Variants in AMPD1 observed in about 807,000 individuals in gnomAD.
The protein encoded by AMPD1 is adenosine monophosphate deaminase 1.
Under a neutral mutation model 82.9 loss-of-function variants are expected in AMPD1, and 74 were observed. The ratio of observed to expected loss-of-function variants is 0.89; its 90% CI spans 0.74 to 1.08. The LOEUF (loss-of-function observed/expected upper bound fraction) is 1.08, where lower values mean the gene tolerates loss of function less well. Among genes scored for constraint, AMPD1 ranks in the 50% least tolerant of loss-of-function variants. The pLI, the probability that AMPD1 is intolerant of heterozygous loss-of-function variation, is 0.00. For missense variants in AMPD1, 881 were observed against 924.5 expected (o/e 0.95, Z 0.61); for synonymous variants, 333 against 320.5 (o/e 1.04, Z -0.42).
intron 1 of AMPD1, among the ~76,000 whole-genome samples, chr1:114,695,070 T>C (rs1243061138): frequency 1.3e-5 from 2 of 152,118 alleles, no homozygotes; most frequent in Admixed American, 1.3e-4. Flanking sequence ...AATACACACA[T>C]GGGTTATTTT....
Position 114,675,621 on chromosome 1 carries a change from G to A in AMPD1, c.1588C>T (p.Pro530Ser). Residue 530 changes from proline (P) to serine (S), a missense_variant, in exon 12 of 16, where the codon CCC becomes TCC. This residue lies in a region of AMPD1 where 783 missense variants were observed against 786.4 expected (regional missense o/e 1.00). Coordinates refer to ENST00000520113, the MANE Select transcript of AMPD1 (RefSeq NM_000036.3). ...TTCTTTTCCAATGTCCACTCCTGGG[G>A]CTTGGGACTCTTGGAGGAGAACATG... The part of the protein sequence containing the change: ...GHMFSSKSPK[P>S]QEWTLEKNPS... 3 of 1,614,204 alleles carry A rather than the reference G, an allele frequency of 1.9e-6. No homozygotes were observed. Among genetic ancestry groups the A allele is most frequent in the Middle Eastern group, 3.3e-4 (2 of 6,062 alleles).
At chr1:114,679,856 A>G in intron 6 of AMPD1, 148 bp from the exon 7 acceptor site, 1 of 937,642 alleles carries the variant, frequency 1.1e-6, no homozygotes, top group Non-Finnish European at 1.7e-6. Flanking sequence ...AATCCCACTG[A>G]GAAGTAGTGG....
In AMPD1 at chr1:114,686,883, A is replaced by G; in HGVS notation, c.243T>C (p.Thr81=). The change falls in exon 4 of 16, where the codon ACT becomes ACC. Residue 81 remains threonine (T), a synonymous_variant. Transcript: ENST00000520113. ...CACTTAGTGGAATGGACAAATTAAC[A>G]GTCTTCCGTCCTTGGAAACGCTTTT... is the stretch of plus-strand genomic sequence containing the variant. ...RRKKRFQGRK[T]VNLSIPLSET... is the part of the protein sequence containing the mutation. 1.9e-6 allele frequency: 3 copies of G among 1,614,238 alleles called. No homozygotes were observed. In the South Asian group the frequency reaches 3.3e-5, roughly 18 times the overall value.
rs929841634 is a variant in AMPD1, at chr1:114,693,156, A to G, written c.34+280T>C. ...AATAAATAAATAAATAAATAAATAA[A>G]TAAATAAATAAGTAAAAGCACTGCA... On this transcript the variant is annotated intron_variant, in intron 2 of 15. Coordinates refer to ENST00000520113, the MANE Select transcript of AMPD1 (RefSeq NM_000036.3). Among the ~76,000 whole-genome samples, 84 of 145,728 alleles carry G rather than the reference A, an allele frequency of 5.8e-4. 1 individual carries two copies. Among genetic ancestry groups the G allele is most frequent in the Non-Finnish European group, 4.8e-4 (32 of 66,888 alleles).
At chr1:114,679,497 A>T in intron 7 of AMPD1, 82 bp downstream of exon 7, 1 of 1,558,202 alleles carries the variant, frequency 6.4e-7, no homozygotes, top group Non-Finnish European at 8.8e-7. Flanking sequence ...TTAATCAGAA[A>T]CACACTCTTT....
At chr1:114,676,342 G>A in intron 10 of AMPD1, 1 of 306,524 alleles carries the variant, frequency 3.3e-6, no homozygotes, top group Non-Finnish European at 6.3e-6. Flanking sequence ...ACAAGACAGT[G>A]AACAGGAAAT....
intron 3 of AMPD1, chr1:114,687,124 G>A: frequency 1.7e-6 from 1 of 602,004 alleles, no homozygotes; most frequent in Non-Finnish European, 3.0e-6. Context: ...CCTTGGAATG[G>A]CCTTAGCAAT....
At chr1:114,691,365 C>T (rs75803075) in intron 2 of AMPD1, among the ~76,000 whole-genome samples, 2 of 151,322 alleles carry the variant, frequency 1.3e-5, no homozygotes, top group African/African-American at 2.4e-5. Flanking sequence ...ACTTTGGAGC[C>T]TGGGCAACAT....
rs1658118902 is a variant in AMPD1, at chr1:114,680,317, G to T, written c.709C>A (p.Leu237Met). 6.2e-7 allele frequency: 1 copy of T among 1,614,064 alleles called. No individual in the cohort carries two copies. The highest frequency in any genetic ancestry group is 8.5e-7 in the Non-Finnish European group (1 of 1,180,032). ...DEPKPLPYPN[L>M]DTFLDDMNFL... ...TTCATATCGTCTAAGAAGGTGTCCAGATTTGGGTAAGGAAGTGGCTTAGGC... is the reference window on the plus strand; with the variant it reads ...TTCATATCGTCTAAGAAGGTGTCCATATTTGGGTAAGGAAGTGGCTTAGGC... The change falls in exon 6 of 16, where the codon CTG (leucine) becomes ATG (methionine). Residue 237 changes from leucine (L) to methionine (M), a missense_variant. By Grantham distance (15) the Leu-to-Met change is conservative. Transcript: ENST00000520113.
intron 1 of AMPD1, 63 bp from the exon 2 acceptor site, chr1:114,693,510 A>G (rs1197426984): frequency 7.7e-6 from 11 of 1,433,902 alleles, no homozygotes; most frequent in African/African-American, 1.4e-5. Flanking sequence ...CATGGTGGCT[A>G]TTAATCACTG....
chr1:114,681,945 G>A (rs1405244077), intron 5 of AMPD1, among the ~76,000 whole-genome samples: 4 of 152,198 alleles, frequency 2.6e-5, no homozygotes, highest in Admixed American at 2.0e-4. Context: ...TAATTCTTAT[G>A]AGAATTATTT....
chr1:114,688,588 G>C lies in AMPD1; in HGVS notation c.188C>G (p.Thr63Ser), dbSNP rs1307315745. 1 of 1,614,200 alleles carries C rather than the reference G, an allele frequency of 6.2e-7. No individual in the cohort carries two copies. Among genetic ancestry groups the C allele is most frequent in the Middle Eastern group, 1.6e-4 (1 of 6,062 alleles). ...EMQAHIFHLE[T>S]LSTSTEARRK... is the part of the protein sequence containing the mutation. ...CCTGGCTTCTGTGGAGGTGGACAGA[G>C]TCTCCAGATGGAATATGTGTGCTTG... Residue 63 changes from threonine (T) to serine (S), a missense_variant, in exon 3 of 16, where the codon ACT (threonine) becomes AGT (serine). By Grantham distance (58) the Thr-to-Ser change is moderately conservative. This residue lies in a region of AMPD1 where 783 missense variants were observed against 786.4 expected (regional missense o/e 1.00). Transcript: ENST00000520113.
intron 5 of AMPD1, among the ~76,000 whole-genome samples, chr1:114,681,872 C>T (rs906483675): frequency 2.6e-5 from 4 of 152,142 alleles, no homozygotes; most frequent in Admixed American, 1.3e-4. Flanking sequence ...ATCCTCTGTG[C>T]TCCACCTAAA....
chr1:114,686,983 C>G, intron 3 of AMPD1, 73 bp from the exon 4 acceptor site: 1 of 1,484,028 alleles, frequency 6.7e-7, no homozygotes, highest in South Asian at 1.1e-5. Flanking sequence ...ATAGATGTTT[C>G]TCTATACAAT....
At chr1:114,677,706 T>C (rs1000838352) in intron 9 of AMPD1, among the ~76,000 whole-genome samples, 192 bp from the exon 10 acceptor site, 2 of 152,032 alleles carry the variant, frequency 1.3e-5, no homozygotes, top group South Asian at 4.2e-4. Flanking sequence ...AGAGTGGATG[T>C]GTCAGAGGAA....
rs1658047117 is a variant in AMPD1 at position 114,677,909 on chromosome 1, C to G, written c.1224+1G>C. The G allele has an allele frequency of 6.2e-7, 1 of 1,613,062 alleles. No homozygotes were observed. Among genetic ancestry groups the G allele is most frequent in the Non-Finnish European group, 8.5e-7 (1 of 1,179,736 alleles). On this transcript the variant is annotated splice_donor_variant, in intron 9 of 15. Coordinates refer to ENST00000520113, the MANE Select transcript of AMPD1 (RefSeq NM_000036.3). LOFTEE classifies it high-confidence loss of function. ...CATAGATGTGATTGGTTCCGCCTCA[C>G]CTTGATGATAGTGGCAAAATATTCC...
chr1:114,677,802 C>A, intron 9 of AMPD1, 108 bp downstream of exon 9: 1 of 276,102 alleles, frequency 3.6e-6, no homozygotes, highest in Admixed American at 9.8e-5. Context: ...TCTCTCCCTC[C>A]TTCCTTCCTT....
At chr1:114,677,852 TCTTC>T (rs1658045366) in intron 9 of AMPD1, 54 bp downstream of exon 9, 6 of 1,388,076 alleles carry the variant, frequency 4.3e-6, no homozygotes, top group Non-Finnish European at 5.8e-6. Flanking sequence ...CTTCCTTCCT[TCTTC>T]CCTTTCCTCA....
chr1:114,691,193 G>C (rs1658505604), intron 2 of AMPD1, among the ~76,000 whole-genome samples: 1 of 152,106 alleles, frequency 6.6e-6, no homozygotes, highest in Admixed American at 6.6e-5. Flanking sequence ...GCAACCACTT[G>C]TTTTGACTTC....
Sources: gnomAD v4.1 joint callset for allele counts (sites outside exome capture counted in the v4.1 genomes callset) on GRCh38, gnomAD v4.1.1 for gene constraint, gnomAD v4.1.1 regional missense constraint, MANE v1.5 for transcripts, NCBI Gene and HGNC (gene_info 2026-07-23, HGNC 2026-07-21) for gene names.